ZDBF2: variants seen among roughly 807,000 people sequenced by gnomAD.
ZDBF2 encodes the protein zinc finger DBF-type containing 2.
Under a neutral mutation model 9.4 loss-of-function variants are expected in ZDBF2, and 6 were observed. That is an observed-to-expected ratio of 0.64 (90% CI 0.35 to 1.27). The LOEUF is 1.27. Ranked by LOEUF, ZDBF2 falls within the 50% of genes most tolerant of loss-of-function variation. The pLI, the probability that ZDBF2 is intolerant of heterozygous loss-of-function variation, is 0.03. For synonymous variants in ZDBF2, 905 were observed against 946.3 expected (o/e 0.96, Z 0.80); for missense variants, 2,697 against 2,766.8 (o/e 0.97, Z 0.57).
rs1559153640 is a variant in ZDBF2 at position 206,307,141 on chromosome 2, A to C, written c.2613A>C (p.Glu871Asp). The change falls in exon 5 of 5, where the codon GAA becomes GAC. Residue 871 changes from glutamate (E) to aspartate (D), a missense_variant. Coordinates refer to ENST00000374423, the MANE Select transcript of ZDBF2 (RefSeq NM_020923.3). ...ERKNDEPSGS[E>D]ISSDSHAPLH... ...AGAATGATGAACCCAGTGGTTCTGA[A>C]ATAAGTTCGGATTCCCATGCCCCTC... The C allele has an allele frequency of 6.2e-7, 1 of 1,613,002 alleles. No homozygotes were observed. The highest frequency in any genetic ancestry group is 2.2e-5 in the East Asian group (1 of 44,868).
Position 206,297,366 on chromosome 2 carries a change from G to A in ZDBF2, c.181G>A (p.Glu61Lys), listed in dbSNP as rs1336252111. ...GCAGCACCACCCATATCATTGTCAA[G>A]AGAGCAGGTAAAGTAGTTGATTGGA... ...VLQHHPYHCQESSSTQDETHV... is the reference protein window; with the variant it reads ...VLQHHPYHCQKSSSTQDETHV... The change falls in exon 4 of 5, where the codon GAG (glutamate) becomes AAG (lysine). Residue 61 changes from glutamate (E) to lysine (K), a missense_variant. By Grantham distance (56) the Glu-to-Lys change is moderately conservative (BLOSUM62 1). Coordinates refer to ENST00000374423, the MANE Select transcript of ZDBF2 (RefSeq NM_020923.3). The A allele has an allele frequency of 1.2e-6, 2 of 1,612,246 alleles. No individual in the cohort carries two copies. The highest frequency in any genetic ancestry group is 2.7e-5 in the African/African-American group (2 of 74,840).
chr2:206,306,808 A>G lies in ZDBF2; in HGVS notation c.2280A>G (p.Ser760=). Residue 760 remains serine, a synonymous_variant, in exon 5 of 5, where the codon TCA becomes TCG. Coordinates refer to ENST00000374423, the MANE Select transcript of ZDBF2 (RefSeq NM_020923.3). Reference sequence around the variant, plus strand: ...TTGATTCTGACCCGCCTCTTCTGTCAGTTACTGAGCAGTCTCATCTGGATG... The same window carrying G: ...TTGATTCTGACCCGCCTCTTCTGTCGGTTACTGAGCAGTCTCATCTGGATG... ...LTFDSDPPLL[S]VTEQSHLDAE... 5 of 1,613,890 alleles carry G rather than the reference A, an allele frequency of 3.1e-6. No homozygotes were observed. The highest frequency in any genetic ancestry group is 3.4e-6 in the Non-Finnish European group (4 of 1,179,816).
In ZDBF2 at chr2:206,308,162, G is replaced by C. The variant is rs1266096201; in HGVS notation, c.3634G>C (p.Asp1212His). 1.9e-6 allele frequency: 3 copies of C among 1,613,806 alleles called. No individual in the cohort carries two copies. Among genetic ancestry groups the C allele is most frequent in the Non-Finnish European group, 8.5e-7 (1 of 1,179,814 alleles). Residue 1212 changes from aspartate to histidine, a missense_variant, in exon 5 of 5, where the codon GAC becomes CAC. Physicochemically the swap from Asp to His is moderately conservative, Grantham distance 81 (BLOSUM62 -1). Coordinates refer to ENST00000374423, the MANE Select transcript of ZDBF2 (RefSeq NM_020923.3). Reference protein sequence around the residue: ...DSDDPLQSVADRLRETVKEIS... With the variant: ...DSDDPLQSVAHRLRETVKEIS... The stretch of plus-strand genomic sequence containing the variant: ...TGATGACCCTCTTCAGTCAGTGGCT[G>C]ACCGGCTGAGAGAAACCGTTAAAGA...
intron 3 of ZDBF2, among the ~76,000 whole-genome samples, chr2:206,283,015 G>A (rs908409205): frequency 6.6e-5 from 10 of 152,142 alleles, no homozygotes; most frequent in Non-Finnish European, 1.0e-4. Context: ...ATATTTTCAC[G>A]GTTCATCCAG....
In ZDBF2 at chr2:206,306,938, C is replaced by A; in HGVS notation, c.2410C>A (p.Gln804Lys). ...TATTCCTCTTTATTCAGTAATTGAC[C>A]AACCTGAAGTAGCTGTTTATGAGGA... ...SDIPLYSVIDQPEVAVYEEET... is the reference protein window; with the variant it reads ...SDIPLYSVIDKPEVAVYEEET... Residue 804 changes from glutamine to lysine, a missense_variant, in exon 5 of 5, where the codon CAA (glutamine) becomes AAA (lysine). By Grantham distance (53) the Gln-to-Lys change is moderately conservative. Coordinates refer to ENST00000374423, the MANE Select transcript of ZDBF2 (RefSeq NM_020923.3). 6.2e-7 allele frequency: 1 copy of A among 1,613,582 alleles called. No homozygotes were observed.
chr2:206,306,326 G>A lies in ZDBF2; in HGVS notation c.1798G>A (p.Val600Ile), dbSNP rs192447754. 1.4e-3 allele frequency: 2,237 copies of A among 1,613,704 alleles called. 12 individuals are homozygous for A. The highest frequency in any genetic ancestry group is 3.1e-3 in the Middle Eastern group (19 of 6,062). Reference sequence around the variant, plus strand: ...AGTAGTTGATCATCCCCAACTGACTGTCAAAGGAAGAAACCTGAAAGGTAG... The same window carrying A: ...AGTAGTTGATCATCCCCAACTGACTATCAAAGGAAGAAACCTGAAAGGTAG... ...ESVVDHPQLT[V>I]KGRNLKGRQV... is the part of the protein sequence containing the mutation. Residue 600 changes from valine to isoleucine, a missense_variant, in exon 5 of 5, where the codon GTC becomes ATC. This residue lies in a region of ZDBF2 where 910 missense variants were observed against 973.6 expected (regional missense o/e 0.93). Coordinates refer to ENST00000374423, the MANE Select transcript of ZDBF2 (RefSeq NM_020923.3).
chr2:206,292,140 A>G, intron 3 of ZDBF2: 1 of 398,252 alleles, frequency 2.5e-6, no homozygotes, highest in Non-Finnish European at 4.4e-6. Flanking sequence ...CAATCAATCT[A>G]AGTGAATACT....
chr2:206,283,791 G>C (rs570915754), intron 3 of ZDBF2, among the ~76,000 whole-genome samples: 3 of 152,050 alleles, frequency 2.0e-5, no homozygotes, highest in African/African-American at 7.2e-5. Context: ...AGCCTCCCAA[G>C]TACCTGGGAC....
In ZDBF2 at chr2:206,274,931, G is replaced by T. The variant is rs1418136974; in HGVS notation, c.-118G>T. 1 of 151,058 alleles carries T rather than the reference G, an allele frequency of 6.6e-6. No homozygotes were observed. The highest frequency in any genetic ancestry group is 1.9e-4 in the East Asian group (1 of 5,158). The allele number at this position is 151,058 out of a possible 1,614,324, so 9.4% of individuals were successfully genotyped here. On this transcript the variant is annotated 5_prime_UTR_variant, in exon 1 of 5. Transcript: ENST00000374423. The stretch of plus-strand genomic sequence containing the variant: ...TCCACCGCGGCCCGGAAGGAATCCG[G>T]GCAGCCTCCGCGGAGGTGAGTGCCG...
chr2:206,303,160 C>T (rs1455789187), intron 4 of ZDBF2, among the ~76,000 whole-genome samples: 1 of 151,768 alleles, frequency 6.6e-6, no homozygotes, highest in Non-Finnish European at 1.5e-5. Context: ...AGAATCACAT[C>T]CAGGATACCA....
chr2:206,307,698 A>C lies in ZDBF2; in HGVS notation c.3170A>C (p.Gln1057Pro). 6.2e-7 allele frequency: 1 copy of C among 1,613,566 alleles called. No individual in the cohort carries two copies. The highest frequency in any genetic ancestry group is 8.5e-7 in the Non-Finnish European group (1 of 1,179,722). Residue 1057 changes from glutamine to proline, a missense_variant, in exon 5 of 5, where the codon CAA becomes CCA. Gln to Pro is a moderately conservative substitution (Grantham distance 76). Transcript: ENST00000374423. Reference protein sequence around the residue: ...VPPQSMTDQPQLAFLKEKHVN... With the variant: ...VPPQSMTDQPPLAFLKEKHVN... ...CCTCAGTCAATGACTGACCAACCTC[A>C]ACTAGCTTTTTTGAAGGAAAAACAT...
intron 4 of ZDBF2, among the ~76,000 whole-genome samples, chr2:206,300,663 C>T (rs1321962816): frequency 6.6e-6 from 1 of 152,098 alleles, no homozygotes; most frequent in Non-Finnish European, 1.5e-5. Context: ...TAATAAGGAT[C>T]GTATGGGGAA....
chr2:206,287,533 G>T (rs1080587), intron 3 of ZDBF2, among the ~76,000 whole-genome samples: 18,780 of 152,118 alleles, frequency 0.12, 1,299 homozygotes, highest in East Asian at 0.16. Flanking sequence ...AGTTTATAAT[G>T]TGCCTCAAGG....
rs1427199780 is a variant in ZDBF2, at chr2:206,311,351, C to T, written c.6823C>T (p.Pro2275Ser). ...TAKVLLNSSV[P>S]PAGAEELSSA... ...TAAAGTGCTTTTGAACTCTTCAGTT[C>T]CACCAGCTGGTGCCGAAGAGCTGTC... Residue 2275 changes from proline to serine, a missense_variant, in exon 5 of 5, where the codon CCA becomes TCA. Physicochemically the swap from Pro to Ser is moderately conservative, Grantham distance 74 (BLOSUM62 -1). Transcript: ENST00000374423. 1 of 1,604,920 alleles carries T rather than the reference C, an allele frequency of 6.2e-7. No homozygotes were observed. Among genetic ancestry groups the T allele is most frequent in the East Asian group, 2.2e-5 (1 of 44,650 alleles).
rs763508991 is a variant in ZDBF2 at position 206,308,650 on chromosome 2, T to A, written c.4122T>A (p.Phe1374Leu). The change falls in exon 5 of 5, where the codon TTT becomes TTA. Residue 1374 changes from phenylalanine to leucine, a missense_variant. Transcript: ENST00000374423. ...AAAGTTCTGATTCCAATGACTCTTT[T>A]CAGGCAGCAGCAGATGAGCTTCAAA... ...PEESSDSNDS[F>L]QAAADELQKP... The A allele has an allele frequency of 3.2e-5, 51 of 1,612,478 alleles. No individual in the cohort carries two copies. The South Asian group carries it at 5.4e-4, about 17-fold the overall frequency.
In ZDBF2 at chr2:206,307,121, G is replaced by T; in HGVS notation, c.2593G>T (p.Asp865Tyr). The T allele has an allele frequency of 6.2e-7, 1 of 1,612,638 alleles. No individual in the cohort carries two copies. The highest frequency in any genetic ancestry group is 8.5e-7 in the Non-Finnish European group (1 of 1,179,484). ...GTACATTCACTTAGAAAGGAAGAATGATGAACCCAGTGGTTCTGAAATAAG... is the reference window on the plus strand; with the variant it reads ...GTACATTCACTTAGAAAGGAAGAATTATGAACCCAGTGGTTCTGAAATAAG... Reference protein sequence around the residue: ...EEYIHLERKNDEPSGSEISSD... With the variant: ...EEYIHLERKNYEPSGSEISSD... The change falls in exon 5 of 5, where the codon GAT becomes TAT. Residue 865 changes from aspartate to tyrosine, a missense_variant. Coordinates refer to ENST00000374423, the MANE Select transcript of ZDBF2 (RefSeq NM_020923.3).
chr2:206,309,087 C>T lies in ZDBF2; in HGVS notation c.4559C>T (p.Thr1520Ile). Reference protein sequence around the residue: ...VNQFPGSVKETHLPKVVLVDL... With the variant: ...VNQFPGSVKEIHLPKVVLVDL... ...CAATTTCCAGGATCAGTCAAAGAAA[C>T]CCACCTTCCAAAGGTGGTACTTGTG... is the stretch of plus-strand genomic sequence containing the variant. The change falls in exon 5 of 5, where the codon ACC (threonine) becomes ATC (isoleucine). Residue 1520 changes from threonine (T) to isoleucine (I), a missense_variant. Physicochemically the swap from Thr to Ile is moderately conservative, Grantham distance 89. This residue lies in a region of ZDBF2 where 1,783 missense variants were observed against 1,776.5 expected (regional missense o/e 1.00). Transcript: ENST00000374423. 1.2e-6 allele frequency: 2 copies of T among 1,613,848 alleles called. No individual in the cohort carries two copies. Among genetic ancestry groups the T allele is most frequent in the Admixed American group, 1.7e-5 (1 of 60,016 alleles).
At position 206,308,976 on chromosome 2, in the gene ZDBF2, A is replaced by G; in HGVS notation, c.4448A>G (p.His1483Arg). 2 of 1,613,786 alleles carry G rather than the reference A, an allele frequency of 1.2e-6. No homozygotes were observed. The highest frequency in any genetic ancestry group is 1.1e-5 in the South Asian group (1 of 91,054). Residue 1483 changes from histidine (H) to arginine (R), a missense_variant, in exon 5 of 5, where the codon CAT becomes CGT. By Grantham distance (29) the His-to-Arg change is conservative (BLOSUM62 0). Around this residue, in one of 3 missense-constraint regions of ZDBF2, gnomAD observed 1,783 missense variants for 1,776.5 expected, o/e 1.00. Coordinates refer to ENST00000374423, the MANE Select transcript of ZDBF2 (RefSeq NM_020923.3). ...YKEADLQKEEHVVMEEKTDQP... is the reference protein window; with the variant it reads ...YKEADLQKEERVVMEEKTDQP... Reference sequence around the variant, plus strand: ...GAGGCAGACCTTCAGAAGGAAGAGCATGTTGTCATGGAAGAAAAGACCGAT... The same window carrying G: ...GAGGCAGACCTTCAGAAGGAAGAGCGTGTTGTCATGGAAGAAAAGACCGAT...
At chr2:206,275,333 G>A (rs1261581857) in intron 1 of ZDBF2, among the ~76,000 whole-genome samples, 4 of 152,194 alleles carry the variant, frequency 2.6e-5, no homozygotes, top group African/African-American at 4.8e-5. Flanking sequence ...GCACCTGTGG[G>A]GCCGAGATCC....
Sources: allele counts gnomAD v4.1 joint callset (sites outside exome capture counted in the v4.1 genomes callset), GRCh38; gene constraint gnomAD v4.1.1; regional missense constraint gnomAD v4.1.1; transcripts MANE v1.5; gene names NCBI Gene and HGNC (gene_info 2026-07-23, HGNC 2026-07-21).